The following STK32A variants were observed in gnomAD, a reference collection of about 807,000 sequenced individuals.
STK32A encodes serine/threonine-protein kinase 32A.
STK32A carries 41 observed loss-of-function variants against 53.2 expected under a neutral mutation model. The ratio of observed to expected loss-of-function variants is 0.77; its 90% CI spans 0.60 to 1.00. The LOEUF is 1.00. Ranked by LOEUF, STK32A falls within the 50% of genes least tolerant of loss-of-function variation. The pLI is 0.00. For missense variants in STK32A, 458 were observed against 485.8 expected (o/e 0.94, Z 0.54); for synonymous variants, 166 against 162.8 (o/e 1.02, Z -0.15).
intron 5 of STK32A, among the ~76,000 whole-genome samples, chr5:147,332,591 A>G (rs1169046809): frequency 6.6e-6 from 1 of 152,244 alleles, no homozygotes; most frequent in East Asian, 1.9e-4. Context: ...GTTTTAGGCT[A>G]TCATCTGTGG....
intron 2 of STK32A, among the ~76,000 whole-genome samples, chr5:147,269,697 T>A (rs913902233): frequency 2.0e-5 from 3 of 152,232 alleles, no homozygotes; most frequent in African/African-American, 7.2e-5. Context: ...TATCTTGAAC[T>A]TATTCAGACT....
At chr5:147,342,744 T>TA (rs1269680615) in intron 5 of STK32A, 5 of 446,750 alleles carry the variant, frequency 1.1e-5, no homozygotes, top group Non-Finnish European at 2.0e-5. Flanking sequence ...GTCTGAGTTT[T>TA]TGAATGAGAG....
chr5:147,356,967 T>C (rs1756276910), intron 7 of STK32A, among the ~76,000 whole-genome samples: 1 of 152,188 alleles, frequency 6.6e-6, no homozygotes, highest in Non-Finnish European at 1.5e-5. Context: ...AATAATAGTG[T>C]ATTCTCTTAC....
At chr5:147,308,140 A>T (rs974377527) in intron 4 of STK32A, among the ~76,000 whole-genome samples, 2 of 19,190 alleles carry the variant, frequency 1.0e-4, no homozygotes, top group Admixed American at 6.8e-4. Context: ...CATACATTTT[A>T]TATATATATA....
chr5:147,359,898 A>G (rs17548933), intron 7 of STK32A, among the ~76,000 whole-genome samples: 14,505 of 152,192 alleles, frequency 0.095, 924 homozygotes, highest in Admixed American at 0.13. Context: ...ACAGGATTTT[A>G]CTTAAAAAGA....
At chr5:147,248,943 T>A (rs1214454987) in intron 2 of STK32A, among the ~76,000 whole-genome samples, 1 of 152,258 alleles carries the variant, frequency 6.6e-6, no homozygotes, top group Non-Finnish European at 1.5e-5. Context: ...TATTAGTGGA[T>A]CCTAAGTGAT....
At chr5:147,378,333 G>A (rs1013028963) in intron 11 of STK32A, among the ~76,000 whole-genome samples, 1 of 152,082 alleles carries the variant, frequency 6.6e-6, no homozygotes, top group Non-Finnish European at 1.5e-5. Context: ...TTCAAGGCTG[G>A]CACATCTCAG....
intron 7 of STK32A, among the ~76,000 whole-genome samples, chr5:147,351,559 C>T (rs546635225): frequency 6.6e-6 from 1 of 151,822 alleles, no homozygotes; most frequent in African/African-American, 2.4e-5. Context: ...AAAAAAAGAA[C>T]CAAACAAGGC....
chr5:147,365,294 C>T (rs1216615400), intron 8 of STK32A, among the ~76,000 whole-genome samples: 1 of 152,188 alleles, frequency 6.6e-6, no homozygotes, highest in Non-Finnish European at 1.5e-5. Flanking sequence ...ATTCACTCTG[C>T]AGGGTCCATT....
At chr5:147,317,640 T>A (rs1754073398) in intron 4 of STK32A, among the ~76,000 whole-genome samples, 1 of 152,108 alleles carries the variant, frequency 6.6e-6, no homozygotes, top group Non-Finnish European at 1.5e-5. Context: ...TTGGTTTTTT[T>A]CAACAAAAAA....
chr5:147,393,805 A>G, the STK32A span: 1 of 547,854 alleles, frequency 1.8e-6, no homozygotes, highest in Non-Finnish European at 3.3e-6. Flanking sequence ...ATGCATGTAA[A>G]TGGGGGGAGG....
At chr5:147,348,592 C>G in intron 6 of STK32A, 1 of 711,016 alleles carries the variant, frequency 1.4e-6, no homozygotes, top group Non-Finnish European at 2.6e-6. Context: ...CATACATAAT[C>G]TTGTAGCTGA....
chr5:147,362,338 G>A (rs1480651310), intron 8 of STK32A, among the ~76,000 whole-genome samples: 1 of 152,170 alleles, frequency 6.6e-6, no homozygotes, highest in Non-Finnish European at 1.5e-5. Flanking sequence ...TGCCAGAATG[G>A]TTGGGTTATG....
At chr5:147,338,362 C>G (rs1755242743) in intron 5 of STK32A, among the ~76,000 whole-genome samples, 1 of 152,116 alleles carries the variant, frequency 6.6e-6, no homozygotes, top group African/African-American at 2.4e-5. Flanking sequence ...GTGAGGGCTC[C>G]CCAGCCATGT....
chr5:147,375,042 C>T, intron 10 of STK32A, 48 bp from the exon 11 acceptor site: 1 of 1,536,380 alleles, frequency 6.5e-7, no homozygotes, highest in Non-Finnish European at 8.7e-7. Context: ...CTGTGTTTTT[C>T]AGAATGATAC....
intron 1 of STK32A, among the ~76,000 whole-genome samples, chr5:147,236,475 T>G: frequency 6.6e-6 from 1 of 151,958 alleles, no homozygotes; most frequent in East Asian, 1.9e-4. Context: ...TTCAGCAGAA[T>G]GGAAAGGACA....
intron 4 of STK32A, among the ~76,000 whole-genome samples, chr5:147,308,830 T>C (rs148340495): frequency 0.023 from 3,477 of 151,908 alleles, 121 homozygotes; most frequent in African/African-American, 0.08. Context: ...TTGTAAATAT[T>C]AAAGCAATCT....
chr5:147,396,859 A>G, the STK32A span, among the ~76,000 whole-genome samples: 1 of 113,862 alleles, frequency 8.8e-6, no homozygotes, highest in Non-Finnish European at 1.8e-5. Flanking sequence ...ATATCTGTAT[A>G]TGTGTGTATA....
intron 11 of STK32A, 34 bp from the exon 12 acceptor site, chr5:147,383,407 A>C (rs1361233061): frequency 2.6e-6 from 4 of 1,549,584 alleles, no homozygotes; most frequent in Non-Finnish European, 2.6e-6. Flanking sequence ...TCTGCTAACT[A>C]TACCTCTATT....
Sources: gnomAD v4.1 joint callset for allele counts (sites outside exome capture counted in the v4.1 genomes callset) on GRCh38, gnomAD v4.1.1 for gene constraint, MANE v1.5 for transcripts, NCBI Gene and HGNC (gene_info 2026-07-23, HGNC 2026-07-21) for gene names.